Variants in SHISA9 observed in about 807,000 individuals in gnomAD.
SHISA9 encodes the protein protein shisa-9.
In SHISA9, 13 loss-of-function variants were observed where a neutral mutation model predicts 38.0. That is an observed-to-expected ratio of 0.34 (90% CI 0.22 to 0.54). The LOEUF is 0.54. SHISA9 is among the 20% of genes least tolerant of loss of function. The pLI is 0.91. For synonymous variants in SHISA9, 275 were observed against 242.0 expected (o/e 1.14, Z -1.27); for missense variants, 538 against 575.8 (o/e 0.93, Z 0.67).
intron 2 of SHISA9, among the ~76,000 whole-genome samples, chr16:13,167,080 T>C (rs1488903470): frequency 2.7e-5 from 4 of 148,630 alleles, no homozygotes; most frequent in Admixed American, 6.7e-5. Context: ...TTCTTTTTTT[T>C]TTTTTTTTTG....
chr16:13,408,785 C>T, the SHISA9 span, among the ~76,000 whole-genome samples: 1 of 152,280 alleles, frequency 6.6e-6, no homozygotes, highest in East Asian at 1.9e-4. Context: ...CCCAGTCCTG[C>T]TGTTGATATC....
chr16:13,166,112 A>G (rs1239745706), intron 2 of SHISA9, among the ~76,000 whole-genome samples: 2 of 152,202 alleles, frequency 1.3e-5, no homozygotes, highest in African/African-American at 4.8e-5. Flanking sequence ...GATCTCATCA[A>G]TGTCTGTTTT....
chr16:12,967,668 T>TA (rs578126631), intron 2 of SHISA9, among the ~76,000 whole-genome samples: 6,172 of 142,636 alleles, frequency 0.043, 369 homozygotes, highest in African/African-American at 0.14. Context: ...GTGCATCAAA[T>TA]AAAAAAAAAA....
intron 2 of SHISA9, among the ~76,000 whole-genome samples, chr16:13,121,636 C>T (rs1596662253): frequency 6.6e-6 from 1 of 152,038 alleles, no homozygotes. Flanking sequence ...TCTTAATATA[C>T]CTTTTTTGAA....
At chr16:13,082,073 G>A (rs1338384722) in intron 2 of SHISA9, among the ~76,000 whole-genome samples, 1 of 152,142 alleles carries the variant, frequency 6.6e-6, no homozygotes, top group African/African-American at 2.4e-5. Context: ...AGGCAACAAC[G>A]ACTACAACAA....
the SHISA9 span, among the ~76,000 whole-genome samples, chr16:13,372,215 G>T: frequency 6.6e-6 from 1 of 152,194 alleles, no homozygotes; most frequent in African/African-American, 2.4e-5. Flanking sequence ...CTCCAGGTGG[G>T]TAGGCACACT....
rs546885909 is a variant in SHISA9 at position 13,018,572 on chromosome 16, G to A, written c.691+101757G>A. On this transcript the variant is annotated intron_variant, in intron 2 of 4. Transcript: ENST00000558583. ...AAGGCGATTTGCAGTGGGGTGGAGG[G>A]AAGAGTCCCAGGCAGGGGGTGTGGA... is the stretch of plus-strand genomic sequence containing the variant. 3.3e-5 allele frequency among the ~76,000 whole-genome samples: 5 copies of A among 152,328 alleles called. No homozygotes were observed. In the South Asian group the frequency reaches 8.3e-4, roughly 25 times the overall value.
chr16:13,009,526 G>C (rs1253278877), intron 2 of SHISA9, among the ~76,000 whole-genome samples: 2 of 152,104 alleles, frequency 1.3e-5, no homozygotes, highest in Non-Finnish European at 2.9e-5. Context: ...CTGGGAATGT[G>C]GGGAAGGTGA....
At chr16:13,081,501 G>A (rs942081231) in intron 2 of SHISA9, among the ~76,000 whole-genome samples, 2 of 152,110 alleles carry the variant, frequency 1.3e-5, no homozygotes, top group Non-Finnish European at 2.9e-5. Flanking sequence ...CTTGCTGGCT[G>A]CAAGGGAAGT....
At chr16:12,946,439 T>A (rs574302886) in intron 2 of SHISA9, among the ~76,000 whole-genome samples, 2 of 152,252 alleles carry the variant, frequency 1.3e-5, no homozygotes, top group East Asian at 3.9e-4. Flanking sequence ...AGTCAAGGAT[T>A]TGGGGGCATT....
chr16:13,449,612 AAT>A, the SHISA9 span, among the ~76,000 whole-genome samples: 1 of 152,136 alleles, frequency 6.6e-6, no homozygotes, highest in African/African-American at 2.4e-5. Context: ...ATTTTTCTTC[AAT>A]TTTTAAAATA....
At chr16:12,970,399 A>G (rs1232136537) in intron 2 of SHISA9, among the ~76,000 whole-genome samples, 1 of 5,096 alleles carries the variant, frequency 2.0e-4, no homozygotes, top group African/African-American at 5.6e-4. Flanking sequence ...GTATATATAT[A>G]TATACATATA....
chr16:13,107,351 C>T lies in SHISA9; in HGVS notation c.692-96043C>T, dbSNP rs149949427. Among the ~76,000 whole-genome samples, 405 of 152,114 alleles carry T rather than the reference C, an allele frequency of 2.7e-3. 1 individual carries two copies. The highest frequency in any genetic ancestry group is 9.5e-3 in the African/African-American group (395 of 41,484). On this transcript the variant is annotated intron_variant, in intron 2 of 4. Coordinates refer to ENST00000558583, the MANE Select transcript of SHISA9 (RefSeq NM_001145204.3). The stretch of plus-strand genomic sequence containing the variant: ...TTGGGAGGCTGAGGCAGGAGAATCG[C>T]TTGAACCCAGGAGGCAGAGATTGCA...
chr16:12,967,662 A>C (rs994569846), intron 2 of SHISA9, among the ~76,000 whole-genome samples: 1 of 150,928 alleles, frequency 6.6e-6, no homozygotes, highest in African/African-American at 2.5e-5. Flanking sequence ...TAAACAGTGC[A>C]TCAAATAAAA....
At chr16:13,497,554 G>A in the SHISA9 span, among the ~76,000 whole-genome samples, 12 of 151,830 alleles carry the variant, frequency 7.9e-5, no homozygotes, top group East Asian at 1.9e-3. Flanking sequence ...GCATGGTGGC[G>A]CATGCCTGTA....
the SHISA9 span, among the ~76,000 whole-genome samples, chr16:13,301,002 T>C: frequency 6.6e-6 from 1 of 152,120 alleles, no homozygotes; most frequent in Non-Finnish European, 1.5e-5. Context: ...TTGTCAATAT[T>C]GACTCCTTCT....
In SHISA9 at chr16:13,235,442, A is replaced by G. The variant is rs1226011080; in HGVS notation, c.*33A>G. On this transcript the variant is annotated 3_prime_UTR_variant, in exon 5 of 5. Transcript: ENST00000558583. The stretch of plus-strand genomic sequence containing the variant: ...CCACAGGGAGCACCCTGGAGACCAC[A>G]CTCAACTGAGAGAGGCAAAAAACAA... The G allele has an allele frequency of 6.6e-7, 1 of 1,509,058 alleles. No individual in the cohort carries two copies. The highest frequency in any genetic ancestry group is 2.1e-5 in the Admixed American group (1 of 47,988). The allele number at this position is 1,509,058 out of a possible 1,614,324, so 93.5% of individuals were successfully genotyped here. A position where few individuals can be genotyped will look rare whatever the true frequency, so the allele number is the denominator to read the frequency against.
intron 4 of SHISA9, among the ~76,000 whole-genome samples, chr16:13,226,980 G>C (rs1349873522): frequency 6.6e-6 from 1 of 152,300 alleles, no homozygotes; most frequent in East Asian, 1.9e-4. Flanking sequence ...GAGCTGCAAA[G>C]TATTTTGGTC....
intron 2 of SHISA9, among the ~76,000 whole-genome samples, chr16:13,103,316 A>G (rs2073896804): frequency 6.6e-6 from 1 of 152,208 alleles, no homozygotes; most frequent in South Asian, 2.1e-4. Context: ...CATGAGTTTC[A>G]TGATTTATCT....
Sources: allele counts gnomAD v4.1 joint callset (sites outside exome capture counted in the v4.1 genomes callset), GRCh38; gene constraint gnomAD v4.1.1; transcripts MANE v1.5; gene names NCBI Gene and HGNC (gene_info 2026-07-23, HGNC 2026-07-21).